The following MBNL2 variants were observed in gnomAD, a reference collection of about 807,000 sequenced individuals.
MBNL2 encodes muscleblind like splicing regulator 2, also known as muscleblind-like protein 2.
Under a neutral mutation model 41.9 loss-of-function variants are expected in MBNL2, and 17 were observed. The observed-to-expected ratio is 0.41, with a 90% CI of 0.28 to 0.61. The LOEUF (loss-of-function observed/expected upper bound fraction) is 0.61, where lower values mean the gene tolerates loss of function less well. Among genes scored for constraint, MBNL2 ranks in the 20% least tolerant of loss-of-function variants. MBNL2 has a pLI of 0.35. For missense variants in MBNL2, 336 were observed against 505.6 expected, an observed-to-expected ratio of 0.66 and a Z score of 3.22; for synonymous variants, 195 against 182.9, an observed-to-expected ratio of 1.07 and a Z score of -0.53.
intron 1 of MBNL2, among the ~76,000 whole-genome samples, chr13:97,264,161 G>A (rs2049251212): frequency 5.9e-5 from 9 of 151,728 alleles, no homozygotes. Context: ...CCGAGTAGCT[G>A]GGACTACAGG....
intron 1 of MBNL2, among the ~76,000 whole-genome samples, chr13:97,244,827 T>C (rs1411230361): frequency 1.3e-5 from 2 of 152,196 alleles, no homozygotes; most frequent in East Asian, 3.9e-4. Context: ...ATTTATCCAC[T>C]ACTATAGAAA....
intron 8 of MBNL2, among the ~76,000 whole-genome samples, chr13:97,383,050 A>G (rs1393121795): frequency 2.0e-5 from 3 of 152,186 alleles, no homozygotes; most frequent in Non-Finnish European, 4.4e-5. Context: ...TCTCCTTCTC[A>G]TGCCTCTTTA....
chr13:97,269,984 T>C (rs2050621170), intron 1 of MBNL2, among the ~76,000 whole-genome samples: 1 of 152,262 alleles, frequency 6.6e-6, no homozygotes, highest in Admixed American at 6.5e-5. Flanking sequence ...CTATAATCTG[T>C]CTTTCATGGC....
At chr13:97,156,910 G>A in the MBNL2 span, among the ~76,000 whole-genome samples, 4 of 152,160 alleles carry the variant, frequency 2.6e-5, no homozygotes, top group African/African-American at 7.2e-5. Context: ...CTTTAAAGTA[G>A]TTTTTTCCAA....
chr13:97,273,717 A>C (rs1006059893), intron 1 of MBNL2, among the ~76,000 whole-genome samples: 3 of 152,230 alleles, frequency 2.0e-5, no homozygotes, highest in African/African-American at 7.2e-5. Flanking sequence ...TTGAGACACC[A>C]TTGAGGCTTC....
chr13:97,245,224 A>G, intron 1 of MBNL2, among the ~76,000 whole-genome samples: 1 of 152,160 alleles, frequency 6.6e-6, no homozygotes, highest in East Asian at 1.9e-4. Context: ...TCAACTCACA[A>G]AGGAATTCTG....
At chr13:97,349,555 G>C (rs1334035362) in intron 5 of MBNL2, among the ~76,000 whole-genome samples, 1 of 152,136 alleles carries the variant, frequency 6.6e-6, no homozygotes, top group East Asian at 1.9e-4. Context: ...ACAGAGTCTT[G>C]CTCTGTCAGT....
At chr13:97,191,119 C>A in the MBNL2 span, among the ~76,000 whole-genome samples, 16 of 151,938 alleles carry the variant, frequency 1.1e-4, no homozygotes, top group Non-Finnish European at 2.1e-4. Context: ...GTCACCAGCA[C>A]CCTATGTAGA....
chr13:97,224,163 C>G (rs1193130183), intron 1 of MBNL2, among the ~76,000 whole-genome samples: 1 of 152,162 alleles, frequency 6.6e-6, no homozygotes, highest in Non-Finnish European at 1.5e-5. Context: ...GCCTGACTCC[C>G]CCTTGGTGCA....
At chr13:97,238,012 A>G (rs2043607229) in intron 1 of MBNL2, among the ~76,000 whole-genome samples, 1 of 152,170 alleles carries the variant, frequency 6.6e-6, no homozygotes, top group Admixed American at 6.5e-5. Flanking sequence ...GCCGACCTGG[A>G]CACGATCAGC....
chr13:97,154,692 C>T, the MBNL2 span, among the ~76,000 whole-genome samples: 2 of 152,100 alleles, frequency 1.3e-5, no homozygotes, highest in Non-Finnish European at 2.9e-5. Flanking sequence ...GCAACACAAA[C>T]TAGAATTTGA....
intron 4 of MBNL2, among the ~76,000 whole-genome samples, chr13:97,344,989 TGGAG>T (rs2061721024): frequency 6.6e-6 from 1 of 152,208 alleles, no homozygotes; most frequent in African/African-American, 2.4e-5. Flanking sequence ...ATTCCATTGA[TGGAG>T]GAAGGCTTGC....
Position 97,222,378 on chromosome 13 carries a change from G to A in MBNL2, c.-758G>A. Reference sequence around the variant, plus strand: ...TCTGAAGGTAAAATTTTCCAGATACGGCAGACGGCTTTCAGAGTACAATAA... The same window carrying A: ...TCTGAAGGTAAAATTTTCCAGATACAGCAGACGGCTTTCAGAGTACAATAA... On this transcript the variant is annotated 5_prime_UTR_variant, in exon 1 of 9. Transcript: ENST00000679496. 2.5e-6 allele frequency: 1 copy of A among 398,564 alleles called. No individual in the cohort carries two copies. The highest frequency in any genetic ancestry group is 1.3e-4 in the South Asian group (1 of 7,850). The allele number at this position is 398,564 out of a possible 1,614,324, so 24.7% of individuals were successfully genotyped here. A position where few individuals can be genotyped will look rare whatever the true frequency, so the allele number is the denominator to read the frequency against.
At chr13:97,209,610 C>A in the MBNL2 span, among the ~76,000 whole-genome samples, 1 of 152,078 alleles carries the variant, frequency 6.6e-6, no homozygotes, top group Non-Finnish European at 1.5e-5. Flanking sequence ...GATGATAAAA[C>A]CCTTATTTGG....
chr13:97,203,561 A>G, the MBNL2 span, among the ~76,000 whole-genome samples: 2 of 152,024 alleles, frequency 1.3e-5, no homozygotes, highest in African/African-American at 2.4e-5. Context: ...GGGTAACTCT[A>G]TGCCTTGCTT....
chr13:97,179,811 A>G, the MBNL2 span, among the ~76,000 whole-genome samples: 1 of 152,202 alleles, frequency 6.6e-6, no homozygotes, highest in Non-Finnish European at 1.5e-5. Context: ...AAGGGGACAG[A>G]AGAAGAAGTC....
intron 7 of MBNL2, among the ~76,000 whole-genome samples, chr13:97,360,347 C>A (rs1555319483): frequency 6.6e-6 from 1 of 152,134 alleles, no homozygotes; most frequent in Non-Finnish European, 1.5e-5. Context: ...AGTCTTCTCC[C>A]AAACTATGCT....
At chr13:97,269,042 G>T (rs963974381) in intron 1 of MBNL2, among the ~76,000 whole-genome samples, 2 of 152,152 alleles carry the variant, frequency 1.3e-5, no homozygotes, top group African/African-American at 2.4e-5. Context: ...TCCAGGAGGT[G>T]GCTTAGAAAG....
At chr13:97,144,270 A>G in the MBNL2 span, among the ~76,000 whole-genome samples, 1 of 152,040 alleles carries the variant, frequency 6.6e-6, no homozygotes, top group Non-Finnish European at 1.5e-5. Flanking sequence ...CTAGGATCGC[A>G]CCTCCATGAA....
Sources: allele counts gnomAD v4.1 joint callset (sites outside exome capture counted in the v4.1 genomes callset), GRCh38; gene constraint gnomAD v4.1.1; transcripts MANE v1.5; gene names NCBI Gene and HGNC (gene_info 2026-07-23, HGNC 2026-07-21).